XPOT: variants seen among roughly 807,000 people sequenced by gnomAD.
XPOT encodes exportin-T.
XPOT carries 34 observed loss-of-function variants against 128.2 expected under a neutral mutation model. That is an observed-to-expected ratio of 0.27 (90% CI 0.20 to 0.35). XPOT has a LOEUF of 0.35. Among genes scored for constraint, XPOT ranks in the 10% least tolerant of loss-of-function variants. The pLI, the probability that XPOT is intolerant of heterozygous loss-of-function variation, is 1.00. For missense variants in XPOT, 838 were observed against 1,125.3 expected (o/e 0.74, Z 3.65); for synonymous variants, 348 against 394.3 (o/e 0.88, Z 1.39).
At chr12:64,441,127 G>A (rs1006043984) in intron 23 of XPOT, among the ~76,000 whole-genome samples, 5 of 152,080 alleles carry the variant, frequency 3.3e-5, no homozygotes, top group African/African-American at 4.8e-5. Flanking sequence ...TAAGGGTCTC[G>A]TTTTCTTTTG....
Position 64,418,094 on chromosome 12 carries a change from C to G in XPOT, c.249C>G (p.Leu83=). The G allele has an allele frequency of 1.2e-6, 2 of 1,613,380 alleles. No individual in the cohort carries two copies. The highest frequency in any genetic ancestry group is 1.1e-5 in the South Asian group (1 of 90,918). The change falls in exon 5 of 25, where the codon CTC becomes CTG. Residue 83 remains leucine (L), a synonymous_variant. Transcript: ENST00000332707. ...AACAACAGCTAATTAGGGAGACGCT[C>G]ATATCATGGCTGCAAGCTCAGGTAA... ...TVQQQLIRET[L]ISWLQAQMLN...
At chr12:64,411,585 C>T (rs976177073) in intron 2 of XPOT, among the ~76,000 whole-genome samples, 1 of 152,168 alleles carries the variant, frequency 6.6e-6, no homozygotes. Context: ...GTGTTTTAAG[C>T]ATCCAGGTCC....
intron 20 of XPOT, 49 bp from the exon 21 acceptor site, chr12:64,434,745 A>T: frequency 1.3e-6 from 2 of 1,579,506 alleles, no homozygotes; most frequent in South Asian, 2.2e-5. Context: ...GTGATGAATT[A>T]ATTGACTTAC....
At chr12:64,421,766 G>A (rs1474602252) in intron 9 of XPOT, among the ~76,000 whole-genome samples, 1 of 151,602 alleles carries the variant, frequency 6.6e-6, no homozygotes, top group Non-Finnish European at 1.5e-5. Flanking sequence ...TCATAAGCAT[G>A]GTTTGTTATT....
chr12:64,417,490 A>G (rs927911170), intron 4 of XPOT, among the ~76,000 whole-genome samples: 1 of 151,770 alleles, frequency 6.6e-6, no homozygotes, highest in African/African-American at 2.4e-5. Flanking sequence ...TGATGGTGCC[A>G]CTGCACTTCA....
At chr12:64,416,163 A>G (rs2040085753) in intron 3 of XPOT, among the ~76,000 whole-genome samples, 2 of 152,214 alleles carry the variant, frequency 1.3e-5, no homozygotes, top group Non-Finnish European at 2.9e-5. Context: ...TGTATAAGCA[A>G]GGGTACCATA....
At chr12:64,416,082 T>C (rs748941710) in intron 3 of XPOT, among the ~76,000 whole-genome samples, 1 of 152,248 alleles carries the variant, frequency 6.6e-6, no homozygotes, top group Non-Finnish European at 1.5e-5. Flanking sequence ...GCTGGCTAAC[T>C]GCAACTCTGC....
At chr12:64,424,559 C>T (rs1260536974) in intron 11 of XPOT, 40 bp from the exon 12 acceptor site, 3 of 1,608,058 alleles carry the variant, frequency 1.9e-6, no homozygotes, top group African/African-American at 2.7e-5. Flanking sequence ...GCCGATCAAC[C>T]CATAAGTTTT....
At chr12:64,432,079 T>C (rs2040244171) in intron 18 of XPOT, among the ~76,000 whole-genome samples, 1 of 152,162 alleles carries the variant, frequency 6.6e-6, no homozygotes, top group Non-Finnish European at 1.5e-5. Context: ...GTCTGCTGTT[T>C]TAGAAGAGCA....
At chr12:64,444,014 C>T (rs1592342344) in intron 23 of XPOT, among the ~76,000 whole-genome samples, 1 of 152,184 alleles carries the variant, frequency 6.6e-6, no homozygotes, top group Non-Finnish European at 1.5e-5. Context: ...ATTCAGTTTA[C>T]AGCTAATCTT....
chr12:64,434,784 C>G lies in XPOT; in HGVS notation c.2570-10C>G. Reference sequence around the variant, plus strand: ...TATATATAAGATGAAAATTTGAATTCTCTTGACAGGAGGTAAAGATGGACC... The same window carrying G: ...TATATATAAGATGAAAATTTGAATTGTCTTGACAGGAGGTAAAGATGGACC... On this transcript the variant is annotated splice_polypyrimidine_tract_variant and intron_variant, in intron 20 of 24. Coordinates refer to ENST00000332707, the MANE Select transcript of XPOT (RefSeq NM_007235.6). The G allele has an allele frequency of 1.2e-6, 2 of 1,608,082 alleles. No homozygotes were observed. Among genetic ancestry groups the G allele is most frequent in the Non-Finnish European group, 1.7e-6 (2 of 1,176,932 alleles).
chr12:64,444,932 C>A, intron 23 of XPOT, 143 bp from the exon 24 acceptor site: 2 of 536,642 alleles, frequency 3.7e-6, no homozygotes, highest in Non-Finnish European at 6.3e-6. Context: ...ATGATCACAC[C>A]ACTGTACTCC....
chr12:64,429,583 C>A (rs1427258868), intron 16 of XPOT, among the ~76,000 whole-genome samples: 2 of 151,942 alleles, frequency 1.3e-5, no homozygotes, highest in Non-Finnish European at 2.9e-5. Flanking sequence ...GCTGGGACTA[C>A]AGGTGCGCCA....
intron 15 of XPOT, 71 bp downstream of exon 15, chr12:64,425,980 A>C: frequency 7.1e-7 from 1 of 1,411,876 alleles, no homozygotes; most frequent in Non-Finnish European, 1.0e-6. Flanking sequence ...AACAATAGTA[A>C]AGACATGGAA....
chr12:64,439,140 C>T, intron 22 of XPOT, 104 bp from the exon 23 acceptor site: 2 of 1,092,902 alleles, frequency 1.8e-6, no homozygotes, highest in South Asian at 2.7e-5. Flanking sequence ...TGTTCTTAAG[C>T]ACAATACTAT....
At chr12:64,412,952 A>G (rs1592525162) in intron 2 of XPOT, among the ~76,000 whole-genome samples, 1 of 152,082 alleles carries the variant, frequency 6.6e-6, no homozygotes, top group East Asian at 1.9e-4. Flanking sequence ...TGCCCTCTCT[A>G]GGAACACCAC....
In XPOT at chr12:64,449,755, A is replaced by G. The variant is rs1488841442; in HGVS notation, c.*1624A>G. The G allele has an allele frequency of 6.6e-6, 1 of 152,266 alleles. No individual in the cohort carries two copies. The highest frequency in any genetic ancestry group is 1.5e-5 in the Non-Finnish European group (1 of 68,046). 9.4% of individuals were successfully genotyped at this position (152,266 alleles called of 1,614,324 possible). Reference sequence around the variant, plus strand: ...AAATGTTTTCAGAAATAGATAAGTGAAAGCTGAGTGTTTCTTTGATAGGTT... The same window carrying G: ...AAATGTTTTCAGAAATAGATAAGTGGAAGCTGAGTGTTTCTTTGATAGGTT... On this transcript the variant is annotated 3_prime_UTR_variant, in exon 25 of 25. Transcript: ENST00000332707.
chr12:64,433,485 G>A lies in XPOT; in HGVS notation c.2334G>A (p.Arg778=). Residue 778 remains arginine, a synonymous_variant, in exon 19 of 25, where the codon CGG becomes CGA. Transcript: ENST00000332707. ...ATGCAATTTTTGAAGTGCTGCTCCGGCCAGCAGAAGAAAATGACCAGTCTG... is the reference window on the plus strand; with the variant it reads ...ATGCAATTTTTGAAGTGCTGCTCCGACCAGCAGAAGAAAATGACCAGTCTG... ...LLHAIFEVLL[R]PAEENDQSAA... 1 of 1,610,648 alleles carries A rather than the reference G, an allele frequency of 6.2e-7. No homozygotes were observed. Among genetic ancestry groups the A allele is most frequent in the South Asian group, 1.1e-5 (1 of 90,580 alleles).
chr12:64,405,763 GCGCCC>G (rs1018151334), intron 1 of XPOT, among the ~76,000 whole-genome samples: 50 of 152,094 alleles, frequency 3.3e-4, no homozygotes, highest in African/African-American at 1.2e-3. Flanking sequence ...TATTACAGGT[GCGCCC>G]CGCCACACCT....
Sources: gnomAD v4.1 joint callset for allele counts (sites outside exome capture counted in the v4.1 genomes callset) on GRCh38, gnomAD v4.1.1 for gene constraint, MANE v1.5 for transcripts, NCBI Gene and HGNC (gene_info 2026-07-23, HGNC 2026-07-21) for gene names.